Variants in SLAIN1 observed in about 807,000 individuals in gnomAD.
The protein encoded by SLAIN1 is SLAIN family member 1.
In SLAIN1, 17 loss-of-function variants were observed where a neutral mutation model predicts 55.4. The observed-to-expected ratio is 0.31, with a 90% CI of 0.21 to 0.46. SLAIN1 has a LOEUF of 0.46. Among genes scored for constraint, SLAIN1 ranks in the 20% least tolerant of loss-of-function variants. SLAIN1 has a pLI of 1.00. For synonymous variants in SLAIN1, 348 were observed against 337.4 expected, an observed-to-expected ratio of 1.03 and a Z score of -0.35; for missense variants, 682 against 785.1, an observed-to-expected ratio of 0.87 and a Z score of 1.57.
intron 2 of SLAIN1, among the ~76,000 whole-genome samples, chr13:77,720,727 G>A (rs1375895245): frequency 6.6e-6 from 1 of 152,164 alleles, no homozygotes; most frequent in Non-Finnish European, 1.5e-5. Context: ...CAGAGTCAGA[G>A]CCAGGGTCTC....
chr13:77,760,764 C>A, intron 5 of SLAIN1, 64 bp from the exon 6 acceptor site: 1 of 1,549,854 alleles, frequency 6.5e-7, no homozygotes, highest in Non-Finnish European at 8.8e-7. Context: ...CTGAAAATAA[C>A]ACACATTTCC....
Position 77,746,730 on chromosome 13 carries a change from C to T in SLAIN1, c.1133C>T (p.Ser378Phe). 1 of 1,613,838 alleles carries T rather than the reference C, an allele frequency of 6.2e-7. No individual in the cohort carries two copies. The highest frequency in any genetic ancestry group is 1.1e-5 in the South Asian group (1 of 91,078). Residue 378 changes from serine (S) to phenylalanine (F), a missense_variant, in exon 4 of 7, where the codon TCC becomes TTC. Coordinates refer to ENST00000418532, the MANE Select transcript of SLAIN1 (RefSeq NM_001242868.2). ...QRGIPHSQTFSSIRECRRSPS... is the reference protein window; with the variant it reads ...QRGIPHSQTFFSIRECRRSPS... ...GGAATTCCCCATTCACAGACTTTCTCCAGCATTCGGGAGTGTAGGAGGAGC... is the reference window on the plus strand; with the variant it reads ...GGAATTCCCCATTCACAGACTTTCTTCAGCATTCGGGAGTGTAGGAGGAGC...
chr13:77,707,663 A>G (rs1352184431), intron 1 of SLAIN1, among the ~76,000 whole-genome samples: 3 of 152,054 alleles, frequency 2.0e-5, no homozygotes, highest in Non-Finnish European at 2.9e-5. Flanking sequence ...CTTCTCTTGG[A>G]TTCATCTTTT....
Position 77,714,429 on chromosome 13 carries a change from T to C in SLAIN1, c.627-5103T>C, listed in dbSNP as rs1261023332. ...GCTTTTGAGACCAGCCTCGACAACA[T>C]AGGAAGACCACATCTCTACAAAAAA... On this transcript the variant is annotated intron_variant, in intron 1 of 6. Coordinates refer to ENST00000418532, the MANE Select transcript of SLAIN1 (RefSeq NM_001242868.2). Among the ~76,000 whole-genome samples the C allele has an allele frequency of 2.0e-5, 3 of 152,044 alleles. No individual in the cohort carries two copies. In the East Asian group the frequency reaches 5.8e-4, roughly 29 times the overall value.
At chr13:77,744,010 A>G (rs937195959) in intron 2 of SLAIN1, among the ~76,000 whole-genome samples, 2 of 152,050 alleles carry the variant, frequency 1.3e-5, no homozygotes, top group African/African-American at 4.8e-5. Context: ...TAAAAAATAT[A>G]ATGTGAAATC....
At chr13:77,725,094 T>C (rs1594267926) in intron 2 of SLAIN1, among the ~76,000 whole-genome samples, 1 of 152,304 alleles carries the variant, frequency 6.6e-6, no homozygotes. Flanking sequence ...AATGTAACTA[T>C]TACTACTGTT....
At chr13:77,718,370 T>A (rs1291501429) in intron 1 of SLAIN1, among the ~76,000 whole-genome samples, 5 of 152,170 alleles carry the variant, frequency 3.3e-5, no homozygotes, top group Non-Finnish European at 7.4e-5. Context: ...CTAGGATGCC[T>A]TTGGACTGGA....
At chr13:77,703,148 C>T (rs1566217165) in intron 1 of SLAIN1, among the ~76,000 whole-genome samples, 2 of 151,992 alleles carry the variant, frequency 1.3e-5, no homozygotes, top group Non-Finnish European at 1.5e-5. Flanking sequence ...AACATTGAGA[C>T]TATATAAACA....
chr13:77,705,290 G>T (rs1312183568), intron 1 of SLAIN1, among the ~76,000 whole-genome samples: 2 of 151,990 alleles, frequency 1.3e-5, no homozygotes, highest in Admixed American at 1.3e-4. Context: ...AAAAGAAGGG[G>T]TTCTATGAGA....
At chr13:77,713,270 C>G (rs932698287) in intron 1 of SLAIN1, among the ~76,000 whole-genome samples, 1 of 152,068 alleles carries the variant, frequency 6.6e-6, no homozygotes, top group Non-Finnish European at 1.5e-5. Context: ...TTTTTGCAAT[C>G]TATCCACCTG....
chr13:77,735,335 A>T (rs1442248196), intron 2 of SLAIN1, among the ~76,000 whole-genome samples: 1 of 152,122 alleles, frequency 6.6e-6, no homozygotes, highest in African/African-American at 2.4e-5. Flanking sequence ...GGTCTTTATT[A>T]CAATATGTTA....
intron 5 of SLAIN1, 111 bp downstream of exon 5, chr13:77,753,469 CACT>C: frequency 1.7e-6 from 1 of 596,714 alleles, no homozygotes. Flanking sequence ...CTTGAAAGAA[CACT>C]AAACTTTTTT....
intron 1 of SLAIN1, among the ~76,000 whole-genome samples, chr13:77,708,061 A>G (rs1594251760): frequency 1.3e-5 from 2 of 152,286 alleles, no homozygotes; most frequent in Admixed American, 1.3e-4. Context: ...GTACCAGACA[A>G]TAGGAATTGG....
intron 2 of SLAIN1, among the ~76,000 whole-genome samples, chr13:77,724,207 T>G (rs2091287476): frequency 6.6e-6 from 1 of 152,204 alleles, no homozygotes; most frequent in Admixed American, 6.5e-5. Context: ...AGAGGAGCAG[T>G]TGCCTGAGCA....
At position 77,723,442 on chromosome 13, in the gene SLAIN1, A is replaced by C. The variant is rs542644821; in HGVS notation, c.766+3771A>C. Among the ~76,000 whole-genome samples, 27 of 152,258 alleles carry C rather than the reference A, an allele frequency of 1.8e-4. No homozygotes were observed. The South Asian group carries it at 5.0e-3, about 28-fold the overall frequency. ...CTTTTTTGGGAGAGTAGAGGGAAAA[A>C]GGATATGTGGCAGGTAAATTTTGAG... On this transcript the variant is annotated intron_variant, in intron 2 of 6. Coordinates refer to ENST00000418532, the MANE Select transcript of SLAIN1 (RefSeq NM_001242868.2).
chr13:77,722,406 C>T (rs752386207), intron 2 of SLAIN1, among the ~76,000 whole-genome samples: 4 of 148,150 alleles, frequency 2.7e-5, no homozygotes, highest in African/African-American at 7.9e-5. Context: ...AATAGTCTTA[C>T]AACTGTTATA....
At chr13:77,715,144 G>C (rs181096998) in intron 1 of SLAIN1, among the ~76,000 whole-genome samples, 2 of 152,258 alleles carry the variant, frequency 1.3e-5, no homozygotes, top group Admixed American at 1.3e-4. Context: ...GGGATTACAG[G>C]CAGTTTGCAT....
At chr13:77,719,468 C>G in intron 1 of SLAIN1, 64 bp from the exon 2 acceptor site, 3 of 1,171,812 alleles carry the variant, frequency 2.6e-6, no homozygotes, top group Non-Finnish European at 3.6e-6. Flanking sequence ...ATGTTGCTTT[C>G]CCCAGAGAGA....
At chr13:77,731,162 A>G (rs572324789) in intron 2 of SLAIN1, among the ~76,000 whole-genome samples, 3 of 152,272 alleles carry the variant, frequency 2.0e-5, no homozygotes, top group Admixed American at 2.0e-4. Context: ...AGATAGATGA[A>G]AAAAAGCCAT....
Sources: gnomAD v4.1 joint callset for allele counts (sites outside exome capture counted in the v4.1 genomes callset) on GRCh38, gnomAD v4.1.1 for gene constraint, MANE v1.5 for transcripts, NCBI Gene and HGNC (gene_info 2026-07-23, HGNC 2026-07-21) for gene names.